The following SYNJ1 variants were observed in gnomAD, a reference collection of about 807,000 sequenced individuals.
The protein encoded by SYNJ1 is synaptojanin 1.
A neutral mutation model predicts 168.2 loss-of-function variants in SYNJ1; 78 were observed. The observed-to-expected ratio is 0.46, with a 90% confidence interval of 0.39 to 0.56. The LOEUF is 0.56. Among genes scored for constraint, SYNJ1 ranks in the 20% least tolerant of loss-of-function variants. SYNJ1 has a pLI of 0.00. For missense variants in SYNJ1, 1,303 were observed against 1,597.6 expected, an observed-to-expected ratio of 0.82 and a Z score of 3.14; for synonymous variants, 539 against 548.6, an observed-to-expected ratio of 0.98 and a Z score of 0.24.
intron 6 of SYNJ1, among the ~76,000 whole-genome samples, chr21:32,692,242 T>C (rs2042051611): frequency 6.6e-6 from 1 of 152,172 alleles, no homozygotes; most frequent in African/African-American, 2.4e-5. Flanking sequence ...TCTTATAAAA[T>C]AGAAGTTCTT....
chr21:32,726,011 T>A (rs1837038845), intron 2 of SYNJ1, among the ~76,000 whole-genome samples: 2 of 152,158 alleles, frequency 1.3e-5, no homozygotes, highest in Admixed American at 1.3e-4. Context: ...AACTACTTTT[T>A]GTATTTTTTG....
chr21:32,691,561 T>G (rs2042027100), intron 6 of SYNJ1, among the ~76,000 whole-genome samples: 1 of 152,236 alleles, frequency 6.6e-6, no homozygotes, highest in Admixed American at 6.5e-5. Context: ...TTATAAGTTA[T>G]AAATGCTAAA....
chr21:32,691,824 C>G (rs1220490569), intron 6 of SYNJ1, among the ~76,000 whole-genome samples: 1 of 152,148 alleles, frequency 6.6e-6, no homozygotes, highest in Non-Finnish European at 1.5e-5. Context: ...ATAACATACA[C>G]AGGAAGAACT....
chr21:32,707,492 T>C (rs2042657396), intron 2 of SYNJ1, among the ~76,000 whole-genome samples: 1 of 151,916 alleles, frequency 6.6e-6, no homozygotes, highest in African/African-American at 2.4e-5. Context: ...CGTGCCACCA[T>C]ACCTGGTTAA....
At chr21:32,645,091 T>C (rs1264594361) in intron 25 of SYNJ1, 85 bp from the exon 26 acceptor site, 1 of 1,328,044 alleles carries the variant, frequency 7.5e-7, no homozygotes, top group African/African-American at 1.5e-5. Flanking sequence ...ATAGTATCCA[T>C]GACATCAAGT....
intron 6 of SYNJ1, 26 bp from the exon 7 acceptor site, chr21:32,688,393 C>T: frequency 6.2e-7 from 1 of 1,603,284 alleles, no homozygotes; most frequent in South Asian, 1.1e-5. Flanking sequence ...TATATTTAAT[C>T]AAACCAAAAA....
chr21:32,665,997 G>C lies in SYNJ1; in HGVS notation c.2091C>G (p.Val697=), dbSNP rs2040914866. 5 of 1,613,044 alleles carry C rather than the reference G, an allele frequency of 3.1e-6. No individual in the cohort carries two copies. The highest frequency in any genetic ancestry group is 4.2e-6 in the Non-Finnish European group (5 of 1,179,660). Residue 697 remains valine, a synonymous_variant, in exon 17 of 33, where the codon GTC becomes GTG. Coordinates refer to ENST00000674351, the MANE Select transcript of SYNJ1 (RefSeq NM_203446.3). The stretch of plus-strand genomic sequence containing the variant: ...CTATAAAATCTTCATTTCTTTCTTT[G>C]ACTTGTGACTGCCCTGCAGCAAAGT... ...CSHFAAGQSQ[V]KERNEDFIEI...
chr21:32,653,435 GATT>G (rs1366798814), intron 21 of SYNJ1, 69 bp from the exon 22 acceptor site: 6 of 1,223,744 alleles, frequency 4.9e-6, no homozygotes, highest in Non-Finnish European at 7.1e-6. Flanking sequence ...CTACTCCCAT[GATT>G]ATTGATCATT....
At chr21:32,700,958 G>C (rs1263059931) in intron 3 of SYNJ1, among the ~76,000 whole-genome samples, 1 of 152,172 alleles carries the variant, frequency 6.6e-6, no homozygotes, top group Non-Finnish European at 1.5e-5. Flanking sequence ...TATGAAATTA[G>C]TATAAAGTTG....
intron 2 of SYNJ1, among the ~76,000 whole-genome samples, chr21:32,704,507 T>C (rs2042531815): frequency 6.6e-6 from 1 of 152,142 alleles, no homozygotes; most frequent in African/African-American, 2.4e-5. Context: ...GGATGGCCTG[T>C]GCAAGAAGCT....
chr21:32,639,015 G>T lies in SYNJ1; in HGVS notation c.3808C>A (p.Pro1270Thr), dbSNP rs566061880. ...GGCTGGGGGCCAGACTGAGGCATAG[G>T]TGCTGCCACAGGGACAAGAGGCTCT... ...LQEPLVPVAAPMPQSGPQPNL... is the reference protein window; with the variant it reads ...LQEPLVPVAATMPQSGPQPNL... The change falls in exon 31 of 33, where the codon CCT (proline) becomes ACT (threonine). Residue 1270 changes from proline to threonine, a missense_variant. By Grantham distance (38) the Pro-to-Thr change is conservative. Around this residue, in one of 2 missense-constraint regions of SYNJ1, gnomAD observed 383 missense variants for 388.8 expected, o/e 0.99. Coordinates refer to ENST00000674351, the MANE Select transcript of SYNJ1 (RefSeq NM_203446.3). The T allele has an allele frequency of 1.9e-6, 3 of 1,614,158 alleles. No homozygotes were observed. In the African/African-American group the frequency reaches 4.0e-5, roughly 22 times the overall value.
Position 32,656,767 on chromosome 21 carries a change from T to C in SYNJ1, c.2715A>G (p.Pro905=), listed in dbSNP as rs771107718. The C allele has an allele frequency of 6.2e-6, 10 of 1,614,030 alleles. No individual in the cohort carries two copies. The South Asian group carries it at 1.1e-4, about 18-fold the overall frequency. The part of the protein sequence containing the change: ...TVLVSIKSSL[P]ENNFFDDALI... ...AGGCATCATCAAAAAAATTATTTTC[T>C]GGTAAAGAACTTTTGATTGAGACCA... Residue 905 remains proline, a synonymous_variant, in exon 21 of 33, where the codon CCA becomes CCG. Coordinates refer to ENST00000674351, the MANE Select transcript of SYNJ1 (RefSeq NM_203446.3).
At position 32,695,115 on chromosome 21, in the gene SYNJ1, A is replaced by C; in HGVS notation, c.647T>G (p.Phe216Cys). 1 of 1,614,152 alleles carries C rather than the reference A, an allele frequency of 6.2e-7. No homozygotes were observed. Among genetic ancestry groups the C allele is most frequent in the Non-Finnish European group, 8.5e-7 (1 of 1,180,022 alleles). The change falls in exon 5 of 33, where the codon TTT (phenylalanine) becomes TGT (cysteine). Residue 216 changes from phenylalanine to cysteine, a missense_variant. By Grantham distance (205) the Phe-to-Cys change is radical. Around this residue, in one of 2 missense-constraint regions of SYNJ1, gnomAD observed 920 missense variants for 1,208.8 expected, o/e 0.76. Transcript: ENST00000674351. Reference protein sequence around the residue: ...RLSCERAGTRFNVRGTNDDGH... With the variant: ...RLSCERAGTRCNVRGTNDDGH... Reference sequence around the variant, plus strand: ...ATCATCATTTGTTCCCCGGACATTAAACCTGGTCCCAGCTCGTTCACAGCT... The same window carrying C: ...ATCATCATTTGTTCCCCGGACATTACACCTGGTCCCAGCTCGTTCACAGCT...
chr21:32,725,566 T>C (rs565473960), intron 2 of SYNJ1, among the ~76,000 whole-genome samples: 1 of 152,200 alleles, frequency 6.6e-6, no homozygotes, highest in African/African-American at 2.4e-5. Context: ...TATGTCACTA[T>C]CTTTTTCCCC....
intron 31 of SYNJ1, 141 bp from the exon 32 acceptor site, chr21:32,635,025 CAT>C (rs779471377): frequency 9.9e-5 from 82 of 829,912 alleles, no homozygotes; most frequent in Non-Finnish European, 1.5e-4. Context: ...CAGGTTGTAA[CAT>C]AAATTCAAAA....
rs553863155 is a variant in SYNJ1 at position 32,714,754 on chromosome 21, T to C, written c.124+12018A>G. On this transcript the variant is annotated intron_variant, in intron 2 of 32. Transcript: ENST00000674351. ...TTGGTAGCCACCAAACAGTTTGTGA[T>C]ACTATGGAAATCACAGAAATTTCTA... Among the ~76,000 whole-genome samples the C allele has an allele frequency of 3.9e-5, 6 of 152,314 alleles. No individual in the cohort carries two copies. In the South Asian group the frequency reaches 6.2e-4, roughly 16 times the overall value.
chr21:32,727,810 C>A, intron 1 of SYNJ1, 136 bp downstream of exon 1: 3 of 1,456,460 alleles, frequency 2.1e-6, no homozygotes, highest in Non-Finnish European at 2.7e-6. Context: ...TCCTCCCGCA[C>A]CCCGGCTGCT....
chr21:32,684,225 CT>C, intron 9 of SYNJ1, 106 bp from the exon 10 acceptor site: 1 of 984,454 alleles, frequency 1.0e-6, no homozygotes, highest in Non-Finnish European at 1.6e-6. Flanking sequence ...CCCTCTCCAA[CT>C]TTTTATTATT....
chr21:32,673,232 A>G, intron 14 of SYNJ1, 108 bp downstream of exon 14: 2 of 949,278 alleles, frequency 2.1e-6, no homozygotes, highest in Non-Finnish European at 2.9e-6. Flanking sequence ...GTATAGCTCC[A>G]AGTTTCTTTC....
Sources: gnomAD v4.1 joint callset for allele counts (sites outside exome capture counted in the v4.1 genomes callset) on GRCh38, gnomAD v4.1.1 for gene constraint, gnomAD v4.1.1 regional missense constraint, MANE v1.5 for transcripts, NCBI Gene and HGNC (gene_info 2026-07-23, HGNC 2026-07-21) for gene names.